Variants in HK1 observed in about 807,000 individuals in gnomAD.
The protein encoded by HK1 is hexokinase-1.
Under a neutral mutation model 91.6 loss-of-function variants are expected in HK1, and 28 were observed. The ratio of observed to expected loss-of-function variants is 0.31; its 90% confidence interval spans 0.23 to 0.42. The LOEUF (loss-of-function observed/expected upper bound fraction) is 0.42. Among genes scored for constraint, HK1 ranks in the 10% least tolerant of loss-of-function variants. The pLI, the probability that HK1 is intolerant of heterozygous loss-of-function variation, is 1.00. For missense variants in HK1, 770 were observed against 1,219.8 expected (o/e 0.63, Z 5.49); for synonymous variants, 430 against 468.1 (o/e 0.92, Z 1.05).
At chr10:69,339,872 C>T (rs1343413459) in intron 1 of HK1, among the ~76,000 whole-genome samples, 1 of 152,218 alleles carries the variant, frequency 6.6e-6, no homozygotes, top group Non-Finnish European at 1.5e-5. Context: ...ACTCCCCCAG[C>T]TGTGTGCTTT....
At chr10:69,342,384 C>G (rs565340555) in intron 1 of HK1, among the ~76,000 whole-genome samples, 3 of 152,250 alleles carry the variant, frequency 2.0e-5, no homozygotes, top group Admixed American at 2.0e-4. Context: ...GTGGTGATAT[C>G]CAGCCTGAAG....
intron 1 of HK1, among the ~76,000 whole-genome samples, chr10:69,271,852 C>T (rs976604857): frequency 6.6e-6 from 1 of 151,520 alleles, no homozygotes; most frequent in African/African-American, 2.4e-5. Flanking sequence ...ATGAATATAT[C>T]TGTGATTTCT....
intron 2 of HK1, among the ~76,000 whole-genome samples, chr10:69,357,892 A>T (rs998109326): frequency 6.6e-6 from 1 of 152,182 alleles, no homozygotes; most frequent in African/African-American, 2.4e-5. Context: ...TTCTTTTTGA[A>T]ATAATGAAAA....
At chr10:69,304,275 ATTAT>A (rs141139312) in intron 5 of HK1, among the ~76,000 whole-genome samples, 31,361 of 143,234 alleles carry the variant, frequency 0.22, 3,916 homozygotes, top group Middle Eastern at 0.35. Context: ...TTTTATTTTT[ATTAT>A]TTATTTATTT....
At chr10:69,384,274 C>T (rs981877944) in intron 10 of HK1, 59 bp from the exon 11 acceptor site, 25 of 1,606,006 alleles carry the variant, frequency 1.6e-5, no homozygotes, top group Non-Finnish European at 2.0e-5. Flanking sequence ...CTTGGGGTTA[C>T]TGGCTGCCAA....
intron 3 of HK1, among the ~76,000 whole-genome samples, chr10:69,290,900 G>C (rs751264261): frequency 1.3e-5 from 2 of 152,204 alleles, no homozygotes; most frequent in African/African-American, 2.4e-5. Flanking sequence ...GCTCCTGTGT[G>C]GTTGTCAGTG....
intron 8 of HK1, among the ~76,000 whole-genome samples, chr10:69,378,780 A>AT (rs1292980627): frequency 6.6e-6 from 1 of 152,070 alleles, no homozygotes; most frequent in Non-Finnish European, 1.5e-5. Flanking sequence ...TTTCTCTCAT[A>AT]TTTTTTGGTC....
At chr10:69,312,165 A>G (rs910892372), upstream of HK1, among the ~76,000 whole-genome samples, 3 of 152,244 alleles carry the variant, frequency 2.0e-5, no homozygotes, top group East Asian at 5.8e-4. Context: ...GAGAAAAGGC[A>G]TACACATTTT....
At chr10:69,314,770 C>T (rs141971251), upstream of HK1, among the ~76,000 whole-genome samples, 1,122 of 152,298 alleles carry the variant, frequency 7.4e-3, 22 homozygotes, top group African/African-American at 0.025. Context: ...CAGGTTCAAG[C>T]GATTCTCTTG....
rs187739685 is a variant in HK1, at chr10:69,348,282, G to A, written c.226+4293G>A. ...GCAGAGCCATTTACAGTGTAGTCACGGTTGTTTTGGGGCCCTAAATATTCA... is the reference window on the plus strand; with the variant it reads ...GCAGAGCCATTTACAGTGTAGTCACAGTTGTTTTGGGGCCCTAAATATTCA... On this transcript the variant is annotated intron_variant, in intron 2 of 17. Coordinates refer to ENST00000359426, the MANE Select transcript of HK1 (RefSeq NM_000188.3). Among the ~76,000 whole-genome samples, 983 of 151,934 alleles carry A rather than the reference G, an allele frequency of 6.5e-3. 38 individuals are homozygous for A. The highest frequency in any genetic ancestry group is 0.058 in the Admixed American group (880 of 15,274).
At chr10:69,393,604 A>T (rs1299628921) in intron 15 of HK1, among the ~76,000 whole-genome samples, 1 of 152,256 alleles carries the variant, frequency 6.6e-6, no homozygotes, top group Admixed American at 6.5e-5. Context: ...GTGGCCTTTA[A>T]GGTCTTTACT....
chr10:69,275,823 C>G (rs1358118790), intron 1 of HK1, among the ~76,000 whole-genome samples: 2 of 151,810 alleles, frequency 1.3e-5, no homozygotes, highest in Non-Finnish European at 2.9e-5. Context: ...GGCACAGTGG[C>G]TCATGCCTGT....
intron 1 of HK1, among the ~76,000 whole-genome samples, chr10:69,336,960 C>T (rs1848025932): frequency 1.3e-5 from 2 of 151,942 alleles, no homozygotes; most frequent in East Asian, 3.9e-4. Context: ...ATGTATTTTT[C>T]AGGCATTGAG....
upstream of HK1, among the ~76,000 whole-genome samples, chr10:69,312,739 CT>C (rs1018003170): frequency 5.3e-5 from 8 of 152,158 alleles, no homozygotes; most frequent in African/African-American, 1.9e-4. Context: ...CTTCAGTCTT[CT>C]TTTCTGCAAT....
chr10:69,368,481 TG>T, intron 4 of HK1, 54 bp from the exon 5 acceptor site: 1 of 1,465,904 alleles, frequency 6.8e-7, no homozygotes, highest in African/African-American at 1.4e-5. Flanking sequence ...CCCAGGGCCT[TG>T]GGGTGCTGGA....
chr10:69,311,454 G>A (rs1173493577), upstream of HK1, among the ~76,000 whole-genome samples: 3 of 152,186 alleles, frequency 2.0e-5, no homozygotes, highest in Admixed American at 2.0e-4. Flanking sequence ...TGTGGGTGCT[G>A]GGAGAACTAT....
chr10:69,351,445 G>T (rs1848869336), intron 2 of HK1, among the ~76,000 whole-genome samples: 1 of 152,002 alleles, frequency 6.6e-6, no homozygotes, highest in South Asian at 2.1e-4. Context: ...GGAGGCGGAG[G>T]TTGCAGTGAG....
intron 2 of HK1, among the ~76,000 whole-genome samples, chr10:69,345,336 T>C (rs1002765033): frequency 6.6e-6 from 1 of 152,196 alleles, no homozygotes; most frequent in Non-Finnish European, 1.5e-5. Flanking sequence ...GAAGAGATTC[T>C]GGCCATCAGA....
chr10:69,283,842 T>G (rs374333863), intron 2 of HK1, among the ~76,000 whole-genome samples: 1 of 101,696 alleles, frequency 9.8e-6, no homozygotes, highest in Non-Finnish European at 2.2e-5. Flanking sequence ...AAAAAGAAAA[T>G]AAAGAGCTAT....
Sources: gnomAD v4.1 joint callset for allele counts (sites outside exome capture counted in the v4.1 genomes callset) on GRCh38, gnomAD v4.1.1 for gene constraint, MANE v1.5 for transcripts, NCBI Gene and HGNC (gene_info 2026-07-23, HGNC 2026-07-21) for gene names.